EBF1: variants seen among roughly 807,000 people sequenced by gnomAD.
The protein encoded by EBF1 is EBF transcription factor 1.
A neutral mutation model predicts 68.4 loss-of-function variants in EBF1; 10 were observed. The ratio of observed to expected loss-of-function variants is 0.15; its 90% confidence interval spans 0.09 to 0.25. The LOEUF is 0.25. Ranked by LOEUF, EBF1 falls within the 10% of genes least tolerant of loss-of-function variation. The pLI, the probability that EBF1 is intolerant of heterozygous loss-of-function variation, is 1.00. For missense variants in EBF1, 509 were observed against 794.4 expected (o/e 0.64, Z 4.32); for synonymous variants, 298 against 299.8 (o/e 0.99, Z 0.06).
intron 15 of EBF1, chr5:158,707,627 A>G: frequency 6.8e-6 from 2 of 292,000 alleles, no homozygotes; most frequent in East Asian, 4.7e-5. Context: ...AGAGTCCACA[A>G]AAGACTGATC....
chr5:158,812,573 C>T (rs1037476843), intron 8 of EBF1, among the ~76,000 whole-genome samples: 3 of 152,134 alleles, frequency 2.0e-5, no homozygotes, highest in African/African-American at 7.2e-5. Flanking sequence ...TCCGGAGGTA[C>T]CAGGACTTCC....
chr5:158,939,495 A>G (rs1472421704), intron 6 of EBF1, among the ~76,000 whole-genome samples: 1 of 152,156 alleles, frequency 6.6e-6, no homozygotes, highest in East Asian at 1.9e-4. Context: ...AAAATGGAAA[A>G]TCTCCAGCAC....
At chr5:158,758,573 A>T (rs1770662759) in intron 10 of EBF1, among the ~76,000 whole-genome samples, 1 of 152,210 alleles carries the variant, frequency 6.6e-6, no homozygotes. Flanking sequence ...GAGCTATTAG[A>T]AAAGTAATCT....
intron 6 of EBF1, among the ~76,000 whole-genome samples, chr5:158,900,952 C>CA (rs1182886733): frequency 6.7e-6 from 1 of 149,356 alleles, no homozygotes; most frequent in Non-Finnish European, 1.5e-5. Flanking sequence ...CTTTACTCTA[C>CA]AAAAAACCTT....
intron 6 of EBF1, among the ~76,000 whole-genome samples, chr5:158,840,812 C>CA (rs1439223340): frequency 2.0e-5 from 3 of 149,538 alleles, no homozygotes; most frequent in African/African-American, 7.3e-5. Flanking sequence ...GCTGGGACTA[C>CA]AGGCGCCCGC....
At chr5:158,993,778 G>C (rs1251894531) in intron 6 of EBF1, among the ~76,000 whole-genome samples, 3 of 152,162 alleles carry the variant, frequency 2.0e-5, no homozygotes, top group African/African-American at 7.2e-5. Flanking sequence ...CGAGAACCAA[G>C]ATCACAAACC....
At chr5:158,892,405 C>A (rs1343423544) in intron 6 of EBF1, among the ~76,000 whole-genome samples, 1 of 152,130 alleles carries the variant, frequency 6.6e-6, no homozygotes, top group Non-Finnish European at 1.5e-5. Flanking sequence ...AGGAGAATTG[C>A]TTGAACCCGG....
intron 6 of EBF1, among the ~76,000 whole-genome samples, chr5:158,870,843 C>A (rs1051157085): frequency 6.6e-6 from 1 of 152,112 alleles, no homozygotes; most frequent in Non-Finnish European, 1.5e-5. Flanking sequence ...GAGGACTCTG[C>A]AAGATCATGA....
At chr5:159,035,449 G>T (rs929091859) in intron 6 of EBF1, among the ~76,000 whole-genome samples, 1 of 152,226 alleles carries the variant, frequency 6.6e-6, no homozygotes, top group Non-Finnish European at 1.5e-5. Flanking sequence ...GTTATCAGCA[G>T]AAATTTGACG....
intron 6 of EBF1, among the ~76,000 whole-genome samples, chr5:158,885,610 G>A (rs1199312158): frequency 6.6e-6 from 1 of 152,082 alleles, no homozygotes; most frequent in Admixed American, 6.6e-5. Context: ...CCTGCTATGG[G>A]CCAGGCACTC....
intron 6 of EBF1, among the ~76,000 whole-genome samples, chr5:158,963,905 A>G (rs535678434): frequency 1.3e-5 from 2 of 152,288 alleles, no homozygotes; most frequent in South Asian, 2.1e-4. Context: ...GGAAGACAAT[A>G]ATATCCTGCA....
chr5:158,839,146 A>C (rs1338698826), intron 7 of EBF1, among the ~76,000 whole-genome samples: 1 of 152,238 alleles, frequency 6.6e-6, no homozygotes, highest in Non-Finnish European at 1.5e-5. Flanking sequence ...TTTGTTTGTG[A>C]GTCCTCTTCC....
intron 9 of EBF1, among the ~76,000 whole-genome samples, chr5:158,790,660 C>T (rs527606529): frequency 1.3e-5 from 2 of 152,284 alleles, no homozygotes; most frequent in South Asian, 4.1e-4. Flanking sequence ...CAGGAAAAAC[C>T]TCCCTCTCTC....
At chr5:158,721,624 T>TTAC (rs1229953787) in intron 11 of EBF1, among the ~76,000 whole-genome samples, 1 of 152,182 alleles carries the variant, frequency 6.6e-6, no homozygotes, top group Non-Finnish European at 1.5e-5. Context: ...GGTGCCTCAA[T>TTAC]TACTGTCCCG....
At chr5:159,038,450 C>G (rs9313797) in intron 6 of EBF1, among the ~76,000 whole-genome samples, 13,067 of 152,156 alleles carry the variant, frequency 0.086, 620 homozygotes, top group African/African-American at 0.14. Flanking sequence ...TTAAGACTCA[C>G]GGTCAAAACA....
chr5:158,962,271 AAAAC>A (rs1253712923), intron 6 of EBF1, among the ~76,000 whole-genome samples: 2 of 152,164 alleles, frequency 1.3e-5, no homozygotes, highest in Non-Finnish European at 2.9e-5. Flanking sequence ...GGCCCCAAAC[AAAAC>A]AAACAATCAC....
chr5:158,966,271 G>T (rs1256231894), intron 6 of EBF1, among the ~76,000 whole-genome samples: 1 of 152,126 alleles, frequency 6.6e-6, no homozygotes, highest in Non-Finnish European at 1.5e-5. Flanking sequence ...CCAAGTAACA[G>T]CGGTTTTAAA....
chr5:158,894,713 G>A (rs971120061), intron 6 of EBF1, among the ~76,000 whole-genome samples: 1 of 152,126 alleles, frequency 6.6e-6, no homozygotes, highest in Admixed American at 6.6e-5. Flanking sequence ...GTGTCACCTG[G>A]ACAGGTAATC....
intron 6 of EBF1, among the ~76,000 whole-genome samples, chr5:158,928,621 A>G (rs1048814508): frequency 6.6e-6 from 1 of 152,208 alleles, no homozygotes; most frequent in Non-Finnish European, 1.5e-5. Context: ...TGGGATGTCC[A>G]TTCTTCAGTG....
Sources: gnomAD v4.1 joint callset for allele counts (sites outside exome capture counted in the v4.1 genomes callset) on GRCh38, gnomAD v4.1.1 for gene constraint, MANE v1.5 for transcripts, NCBI Gene and HGNC (gene_info 2026-07-23, HGNC 2026-07-21) for gene names.